The following MAPK10 variants were observed in gnomAD, a reference collection of about 807,000 sequenced individuals.
MAPK10 encodes the protein JNK3 alpha protein kinase.
A neutral mutation model predicts 59.3 loss-of-function variants in MAPK10; 25 were observed. That is an observed-to-expected ratio of 0.42 (90% CI 0.31 to 0.59). MAPK10 has a LOEUF of 0.59. Ranked by LOEUF, MAPK10 falls within the 20% of genes least tolerant of loss-of-function variation. The pLI is 0.15. For synonymous variants in MAPK10, 190 were observed against 200.5 expected (o/e 0.95, Z 0.44); for missense variants, 351 against 568.9 (o/e 0.62, Z 3.90).
At chr4:86,557,399 GACT>G (rs943733127) in intron 1 of MAPK10, among the ~76,000 whole-genome samples, 7 of 152,036 alleles carry the variant, frequency 4.6e-5, no homozygotes, top group African/African-American at 1.7e-4. Flanking sequence ...CATAAGGAAA[GACT>G]ACTGACTGTC....
intron 9 of MAPK10, among the ~76,000 whole-genome samples, chr4:86,075,163 C>T (rs1193750026): frequency 6.6e-6 from 1 of 152,116 alleles, no homozygotes; most frequent in African/African-American, 2.4e-5. Context: ...ATCACTGATA[C>T]CCTTTCTTCC....
chr4:86,589,859 C>A (rs745605053), intron 1 of MAPK10, among the ~76,000 whole-genome samples: 4 of 151,630 alleles, frequency 2.6e-5, no homozygotes, highest in Non-Finnish European at 4.4e-5. Flanking sequence ...TGGCAGGCGC[C>A]TATAGTCCCA....
At chr4:86,467,083 T>C (rs1020808638) in intron 1 of MAPK10, among the ~76,000 whole-genome samples, 4 of 152,194 alleles carry the variant, frequency 2.6e-5, no homozygotes, top group African/African-American at 4.8e-5. Flanking sequence ...CTCTGAAATT[T>C]GGGAGTTTTA....
chr4:86,346,956 A>G (rs930128538), intron 2 of MAPK10, among the ~76,000 whole-genome samples: 32 of 152,098 alleles, frequency 2.1e-4, no homozygotes, highest in Non-Finnish European at 2.6e-4. Context: ...ATTTATATAT[A>G]TCTTAATAGA....
intron 2 of MAPK10, among the ~76,000 whole-genome samples, chr4:86,305,482 T>G (rs1165043213): frequency 1.3e-5 from 2 of 152,104 alleles, no homozygotes; most frequent in African/African-American, 4.8e-5. Context: ...TGAAATATAG[T>G]GGTACGGCAG....
rs987631142 is a variant in MAPK10 at position 86,251,305 on chromosome 4, A to C, written c.-6-56898T>G. The stretch of plus-strand genomic sequence containing the variant: ...TCGTCATCTAGCATTAGGTATATCT[A>C]CCAATGCTATCCCTCCCCCCTCCTC... On this transcript the variant is annotated intron_variant, in intron 2 of 13. Transcript: ENST00000641462. 1.7e-4 allele frequency among the ~76,000 whole-genome samples: 26 copies of C among 151,934 alleles called. 1 individual carries two copies. Among genetic ancestry groups the C allele is most frequent in the African/African-American group, 2.7e-4 (11 of 41,432 alleles).
At chr4:86,590,623 A>C in intron 1 of MAPK10, among the ~76,000 whole-genome samples, 1 of 151,930 alleles carries the variant, frequency 6.6e-6, no homozygotes, top group Non-Finnish European at 1.5e-5. Context: ...TCTCTACAAA[A>C]CTTTTTTAAA....
At position 86,053,292 on chromosome 4, in the gene MAPK10, A is replaced by G. The variant is rs577512819; in HGVS notation, c.1110+10974T>C. On this transcript the variant is annotated intron_variant, in intron 11 of 13. Transcript: ENST00000641462. ...ATAAATGCTCTTTACTGAAAACACAATGATATGAGGATGGGTAGGAGTGCC... is the reference window on the plus strand; with the variant it reads ...ATAAATGCTCTTTACTGAAAACACAGTGATATGAGGATGGGTAGGAGTGCC... Among the ~76,000 whole-genome samples, 214 of 152,276 alleles carry G rather than the reference A, an allele frequency of 1.4e-3. 2 individuals carry two copies. The highest frequency in any genetic ancestry group is 2.5e-3 in the Non-Finnish European group (167 of 68,004).
At chr4:86,147,496 T>G (rs2065296571) in intron 4 of MAPK10, among the ~76,000 whole-genome samples, 1 of 152,156 alleles carries the variant, frequency 6.6e-6, no homozygotes, top group Admixed American at 6.5e-5. Context: ...CAATACTGAG[T>G]TTAGCTATAT....
chr4:86,550,374 T>TAAAAA lies in MAPK10; in HGVS notation c.-263+43531_-263+43535dup, dbSNP rs753508493. On this transcript the variant is annotated intron_variant, in intron 1 of 4. Coordinates refer to the MAPK10 transcript ENST00000502302. ...CAGAAGGGCTAAGCAGAGCTTCAGT[T>TAAAAA]AAAAAAAAAAAAAAAAAAAAAAAAA... Among the ~76,000 whole-genome samples, 16 of 77,392 alleles carry TAAAAA rather than the reference T, an allele frequency of 2.1e-4. 4 individuals carry two copies. Among genetic ancestry groups the TAAAAA allele is most frequent in the East Asian group, 1.8e-3 (6 of 3,354 alleles). The allele number at this position is 77,392 out of a possible 152,430, so 50.8% of individuals were successfully genotyped here.
At chr4:86,275,463 A>C (rs959627460) in intron 2 of MAPK10, among the ~76,000 whole-genome samples, 1 of 152,056 alleles carries the variant, frequency 6.6e-6, no homozygotes, top group African/African-American at 2.4e-5. Flanking sequence ...ATTAACATAA[A>C]ATCATATTTT....
upstream of MAPK10, chr4:86,457,994 T>A (rs1220891668): frequency 6.6e-6 from 1 of 151,986 alleles, no homozygotes; most frequent in Non-Finnish European, 1.5e-5. Context: ...AAAACTCATC[T>A]CTACTAAAAA....
intron 2 of MAPK10, among the ~76,000 whole-genome samples, chr4:86,309,958 G>A (rs1266397892): frequency 6.6e-6 from 1 of 152,076 alleles, no homozygotes; most frequent in Non-Finnish European, 1.5e-5. Flanking sequence ...AATTCAAGCT[G>A]GAAACTGCTT....
chr4:86,290,539 G>A (rs2095188632), intron 2 of MAPK10, among the ~76,000 whole-genome samples: 1 of 152,124 alleles, frequency 6.6e-6, no homozygotes, highest in African/African-American at 2.4e-5. Flanking sequence ...TTATCATTAT[G>A]TAATAAACTA....
intron 2 of MAPK10, among the ~76,000 whole-genome samples, chr4:86,267,670 G>A (rs1349981260): frequency 6.6e-6 from 1 of 152,044 alleles, no homozygotes; most frequent in Non-Finnish European, 1.5e-5. Flanking sequence ...CCCGTTTCAT[G>A]ATTTTTGCAC....
intron 1 of MAPK10, among the ~76,000 whole-genome samples, chr4:86,475,301 A>G (rs1049035635): frequency 3.2e-4 from 49 of 152,284 alleles, no homozygotes; most frequent in African/African-American, 1.2e-3. Flanking sequence ...TCTTTGCTCC[A>G]TGAGAAAGAT....
chr4:86,448,336 T>C (rs1385886748), intron 1 of MAPK10, among the ~76,000 whole-genome samples: 2 of 152,020 alleles, frequency 1.3e-5, no homozygotes, highest in African/African-American at 4.8e-5. Flanking sequence ...TTCTAGTCTA[T>C]TGTTCCTTGA....
At chr4:86,428,386 T>C (rs1747586280) in intron 1 of MAPK10, among the ~76,000 whole-genome samples, 1 of 152,176 alleles carries the variant, frequency 6.6e-6, no homozygotes. Flanking sequence ...TTTGAACCCC[T>C]GTGCTCAAAC....
intron 9 of MAPK10, among the ~76,000 whole-genome samples, chr4:86,094,133 T>A (rs2053768830): frequency 6.6e-6 from 1 of 152,026 alleles, no homozygotes; most frequent in Non-Finnish European, 1.5e-5. Flanking sequence ...GCTAGATTGA[T>A]ATAACAATCT....
Sources: allele counts gnomAD v4.1 joint callset (sites outside exome capture counted in the v4.1 genomes callset), GRCh38; gene constraint gnomAD v4.1.1; transcripts MANE v1.5; gene names NCBI Gene and HGNC (gene_info 2026-07-23, HGNC 2026-07-21).